PCDHGC4: variants seen among roughly 807,000 people sequenced by gnomAD.
The protein encoded by PCDHGC4 is protocadherin gamma-C4.
In PCDHGC4, 15 loss-of-function variants were observed where a neutral mutation model predicts 59.7. The ratio of observed to expected loss-of-function variants is 0.25; its 90% CI spans 0.17 to 0.39. The LOEUF is 0.39. Among genes scored for constraint, PCDHGC4 ranks in the 10% least tolerant of loss-of-function variants. The pLI is 1.00. For synonymous variants in PCDHGC4, 434 were observed against 481.4 expected (o/e 0.90, Z 1.29); for missense variants, 1,016 against 1,189.5 (o/e 0.85, Z 2.15).
At position 141,485,565 on chromosome 5, in the gene PCDHGC4, C is replaced by T. The variant is rs1213821989; in HGVS notation, c.392C>T (p.Pro131Leu). The T allele has an allele frequency of 2.5e-6, 4 of 1,612,946 alleles. No homozygotes were observed. Among genetic ancestry groups the T allele is most frequent in the Non-Finnish European group, 2.5e-6 (3 of 1,179,042 alleles). Residue 131 changes from proline to leucine, a missense_variant, in exon 1 of 4, where the codon CCC becomes CTC. Pro to Leu is a moderately conservative substitution (Grantham distance 98). Coordinates refer to ENST00000306593, the MANE Select transcript of PCDHGC4 (RefSeq NM_018928.3). The surrounding 1 kb of genome is among the most constrained non-coding windows in gnomAD (Gnocchi z 5.7). ...VEIVDVNDHA[P>L]RFPRQQLDLE... ...ATCGTAGATGTGAATGATCACGCCCCCCGTTTTCCGCGGCAGCAGCTGGAC... is the reference window on the plus strand; with the variant it reads ...ATCGTAGATGTGAATGATCACGCCCTCCGTTTTCCGCGGCAGCAGCTGGAC...
In PCDHGC4 at chr5:141,485,042, C is replaced by T; in HGVS notation, c.-132C>T. ...CAGCAAAAACGGCGCGTAACCCTTGCGGCGCCGGCCGAACCGCGCCAGAGC... is the reference window on the plus strand; with the variant it reads ...CAGCAAAAACGGCGCGTAACCCTTGTGGCGCCGGCCGAACCGCGCCAGAGC... On this transcript the variant is annotated 5_prime_UTR_variant, in exon 1 of 4. Coordinates refer to ENST00000306593, the MANE Select transcript of PCDHGC4 (RefSeq NM_018928.3). This position sits in a 1 kb window ranked among gnomAD's most constrained non-coding sequence, Gnocchi z 5.7. 1 of 724,054 alleles carries T rather than the reference C, an allele frequency of 1.4e-6. No individual in the cohort carries two copies. Among genetic ancestry groups the T allele is most frequent in the South Asian group, 1.8e-5 (1 of 56,650 alleles). 44.9% of individuals were successfully genotyped at this position (724,054 alleles called of 1,614,324 possible). A position where few individuals can be genotyped will look rare whatever the true frequency, so the allele number is the denominator to read the frequency against.
chr5:141,485,426 C>T lies in PCDHGC4; in HGVS notation c.253C>T (p.Leu85Phe). 6.2e-7 allele frequency: 1 copy of T among 1,614,158 alleles called. No individual in the cohort carries two copies. Among genetic ancestry groups the T allele is most frequent in the South Asian group, 1.1e-5 (1 of 91,078 alleles). ...TGTGGATTTGGACAGCGGAGCCCTGCTCATCAAGAACCCAATCGACCGAGA... is the reference window on the plus strand; with the variant it reads ...TGTGGATTTGGACAGCGGAGCCCTGTTCATCAAGAACCCAATCGACCGAGA... ...FRVDLDSGAL[L>F]IKNPIDREAL... Residue 85 changes from leucine (L) to phenylalanine (F), a missense_variant, in exon 1 of 4, where the codon CTC becomes TTC. Leu to Phe is a conservative substitution (Grantham distance 22). Transcript: ENST00000306593. The surrounding 1 kb of genome is among the most constrained non-coding windows in gnomAD (Gnocchi z 5.7).
intron 2 of PCDHGC4, among the ~76,000 whole-genome samples, chr5:141,495,471 G>A (rs2099761632): frequency 6.6e-6 from 1 of 152,190 alleles, no homozygotes; most frequent in Non-Finnish European, 1.5e-5. Context: ...TGGGGTCTCC[G>A]TGTCTCTGCC....
At chr5:141,502,274 A>G (rs573517581) in intron 2 of PCDHGC4, among the ~76,000 whole-genome samples, 18 of 152,128 alleles carry the variant, frequency 1.2e-4, no homozygotes, top group African/African-American at 4.1e-4. Context: ...ATCAAGGAGC[A>G]TAGATTGCAT....
Position 141,490,387 on chromosome 5 carries a change from G to C in PCDHGC4, c.2442+2772G>C. 2 of 1,614,196 alleles carry C rather than the reference G, an allele frequency of 1.2e-6. No individual in the cohort carries two copies. The highest frequency in any genetic ancestry group is 1.7e-6 in the Non-Finnish European group (2 of 1,180,034). On this transcript the variant is annotated intron_variant, in intron 1 of 3. Transcript: ENST00000306593. This position sits in a 1 kb window ranked among gnomAD's most constrained non-coding sequence, Gnocchi z 5.4. ...GCGAGACCGGGACTCAGGTAGAAATGGTGAAGTGAGCCTTGATATCTCTCC... is the reference window on the plus strand; with the variant it reads ...GCGAGACCGGGACTCAGGTAGAAATCGTGAAGTGAGCCTTGATATCTCTCC...
At chr5:141,502,953 C>G (rs145774277) in intron 2 of PCDHGC4, among the ~76,000 whole-genome samples, 1,594 of 147,762 alleles carry the variant, frequency 0.011, 24 homozygotes, top group African/African-American at 0.037. Context: ...AAGCGATTCT[C>G]CTGCCTCAGC....
Position 141,491,622 on chromosome 5 carries a change from C to T in PCDHGC4, c.2443-3185C>T, listed in dbSNP as rs980546113. 15 of 1,613,786 alleles carry T rather than the reference C, an allele frequency of 9.3e-6. No individual in the cohort carries two copies. Among genetic ancestry groups the T allele is most frequent in the Non-Finnish European group, 1.3e-5 (15 of 1,180,002 alleles). Reference sequence around the variant, plus strand: ...ACTTCACTTTTCTAAGACCCCTCAGCGTTCAGCAGCCCACAGCTCTGGCGC... The same window carrying T: ...ACTTCACTTTTCTAAGACCCCTCAGTGTTCAGCAGCCCACAGCTCTGGCGC... On this transcript the variant is annotated intron_variant, in intron 1 of 3. Transcript: ENST00000306593. This position sits in a 1 kb window ranked among gnomAD's most constrained non-coding sequence, Gnocchi z 6.9.
At position 141,491,613 on chromosome 5, in the gene PCDHGC4, A is replaced by AC; in HGVS notation, c.2443-3190dup. On this transcript the variant is annotated intron_variant, in intron 1 of 3. Coordinates refer to ENST00000306593, the MANE Select transcript of PCDHGC4 (RefSeq NM_018928.3). The surrounding 1 kb of genome is among the most constrained non-coding windows in gnomAD (Gnocchi z 6.9). Reference sequence around the variant, plus strand: ...ACGGCAGTGACTTCACTTTTCTAAGACCCCTCAGCGTTCAGCAGCCCACAG... The same window carrying AC: ...ACGGCAGTGACTTCACTTTTCTAAGACCCCCTCAGCGTTCAGCAGCCCACAG... 6.2e-7 allele frequency: 1 copy of AC among 1,613,568 alleles called. No homozygotes were observed. Among genetic ancestry groups the AC allele is most frequent in the Non-Finnish European group, 8.5e-7 (1 of 1,179,968 alleles).
At chr5:141,496,799 G>C (rs2099771487) in intron 2 of PCDHGC4, among the ~76,000 whole-genome samples, 1 of 151,912 alleles carries the variant, frequency 6.6e-6, no homozygotes, top group African/African-American at 2.4e-5. Context: ...TAAACATTGG[G>C]CTATAGGAGT....
chr5:141,494,556 T>C (rs909822734), intron 1 of PCDHGC4, among the ~76,000 whole-genome samples: 18 of 152,120 alleles, frequency 1.2e-4, no homozygotes, highest in African/African-American at 4.3e-4. Context: ...GCCATTTCTT[T>C]AGGAAAGGAG....
intron 2 of PCDHGC4, among the ~76,000 whole-genome samples, chr5:141,502,857 ACT>A (rs1332453483): frequency 7.7e-5 from 7 of 91,446 alleles, no homozygotes; most frequent in African/African-American, 4.1e-4. Flanking sequence ...CCTAACCCTG[ACT>A]CTCTGTCTTT....
chr5:141,506,742 A>G (rs1475692668), intron 3 of PCDHGC4, among the ~76,000 whole-genome samples: 5 of 152,172 alleles, frequency 3.3e-5, no homozygotes, highest in Non-Finnish European at 7.3e-5. Context: ...AATGCCTATT[A>G]ATAAAGACTA....
At chr5:141,488,784 T>C (rs116057353) in intron 1 of PCDHGC4, among the ~76,000 whole-genome samples, 1 of 152,248 alleles carries the variant, frequency 6.6e-6, no homozygotes, top group African/African-American at 2.4e-5. Flanking sequence ...TTGTATCACT[T>C]TGTCTTCCCT....
Position 141,486,032 on chromosome 5 carries a change from G to C in PCDHGC4, c.859G>C (p.Asp287His), listed in dbSNP as rs560909128. The C allele has an allele frequency of 1.2e-6, 2 of 1,614,166 alleles. No individual in the cohort carries two copies. Among genetic ancestry groups the C allele is most frequent in the African/African-American group, 2.7e-5 (2 of 75,034 alleles). Residue 287 changes from aspartate (D) to histidine (H), a missense_variant, in exon 1 of 4, where the codon GAT (aspartate) becomes CAT (histidine). Asp to His is a moderately conservative substitution (Grantham distance 81, BLOSUM62 -1). Transcript: ENST00000306593. This position sits in a 1 kb window ranked among gnomAD's most constrained non-coding sequence, Gnocchi z 5.0. ...VTFYFSGHTP[D>H]RVRNLFSLHP... ...CTTTTATTTCAGTGGTCATACCCCT[G>C]ATCGTGTAAGAAACCTCTTTAGCCT... is the stretch of plus-strand genomic sequence containing the variant.
rs2099695710 is a variant in PCDHGC4, at chr5:141,490,068, A to G, written c.2442+2453A>G. On this transcript the variant is annotated intron_variant, in intron 1 of 3. Coordinates refer to ENST00000306593, the MANE Select transcript of PCDHGC4 (RefSeq NM_018928.3). This position sits in a 1 kb window ranked among gnomAD's most constrained non-coding sequence, Gnocchi z 5.4. ...ATCCAGACGAGGGCACCAACGGCCA[A>G]CTAGACTATTCTTTTGGAGACCACA... is the stretch of plus-strand genomic sequence containing the variant. 2 of 1,614,152 alleles carry G rather than the reference A, an allele frequency of 1.2e-6. No homozygotes were observed. The highest frequency in any genetic ancestry group is 1.6e-4 in the Middle Eastern group (1 of 6,084).
intron 2 of PCDHGC4, among the ~76,000 whole-genome samples, chr5:141,496,748 C>T (rs1382244657): frequency 6.6e-6 from 1 of 152,130 alleles, no homozygotes; most frequent in African/African-American, 2.4e-5. Flanking sequence ...ATTTATTCAA[C>T]AAATATTTAT....
rs531285035 is a variant in PCDHGC4, at chr5:141,493,409, C to T, written c.2443-1398C>T. Among the ~76,000 whole-genome samples, 4 of 152,286 alleles carry T rather than the reference C, an allele frequency of 2.6e-5. No homozygotes were observed. The East Asian group carries it at 7.7e-4, about 29-fold the overall frequency. On this transcript the variant is annotated intron_variant, in intron 1 of 3. Coordinates refer to ENST00000306593, the MANE Select transcript of PCDHGC4 (RefSeq NM_018928.3). The surrounding 1 kb of genome is among the most constrained non-coding windows in gnomAD (Gnocchi z 4.3). Reference sequence around the variant, plus strand: ...GGACAGGAGAGGGGAGTTGCCTCTGCTGGGATTTTGCTTCTGCTGGGATGG... The same window carrying T: ...GGACAGGAGAGGGGAGTTGCCTCTGTTGGGATTTTGCTTCTGCTGGGATGG...
chr5:141,498,625 T>C (rs1327552423), intron 2 of PCDHGC4, among the ~76,000 whole-genome samples: 1 of 152,176 alleles, frequency 6.6e-6, no homozygotes, highest in Non-Finnish European at 1.5e-5. Context: ...TGGGTCACAC[T>C]GCCTAGACAG....
rs770685748 is a variant in PCDHGC4 at position 141,486,601 on chromosome 5, C to T, written c.1428C>T (p.Ser476=). 9 of 1,613,558 alleles carry T rather than the reference C, an allele frequency of 5.6e-6. No homozygotes were observed. The highest frequency in any genetic ancestry group is 7.6e-6 in the Non-Finnish European group (9 of 1,180,024). Residue 476 remains serine (S), a synonymous_variant, in exon 1 of 4, where the codon TCC becomes TCT. Transcript: ENST00000306593. This position sits in a 1 kb window ranked among gnomAD's most constrained non-coding sequence, Gnocchi z 5.0. ...ENNRPGDLLC[S]LAASDPDSGL... ...ATCGCCCAGGGGACCTGCTTTGCTC[C>T]CTTGCAGCCTCTGACCCAGACTCTG...
Sources: allele counts gnomAD v4.1 joint callset (sites outside exome capture counted in the v4.1 genomes callset), GRCh38; gene constraint gnomAD v4.1.1; non-coding constraint Gnocchi (gnomAD v3.1); transcripts MANE v1.5; gene names NCBI Gene and HGNC (gene_info 2026-07-23, HGNC 2026-07-21).